The following INPP4A variants were observed in gnomAD, a reference collection of about 807,000 sequenced individuals.
INPP4A encodes the protein inositol polyphosphate-4-phosphatase, type I, 107kD.
INPP4A carries 33 observed loss-of-function variants against 119.8 expected under a neutral mutation model. The observed-to-expected ratio is 0.28, with a 90% CI of 0.21 to 0.37. The LOEUF is 0.37. INPP4A is among the 10% of genes least tolerant of loss of function. The pLI, the probability that INPP4A is intolerant of heterozygous loss-of-function variation, is 1.00. For missense variants in INPP4A, 956 were observed against 1,289.9 expected, an observed-to-expected ratio of 0.74 and a Z score of 3.97; for synonymous variants, 496 against 500.7, an observed-to-expected ratio of 0.99 and a Z score of 0.12.
At chr2:98,459,841 C>T (rs1231617644) in intron 1 of INPP4A, among the ~76,000 whole-genome samples, 1 of 152,214 alleles carries the variant, frequency 6.6e-6, no homozygotes, top group African/African-American at 2.4e-5. Flanking sequence ...GGGAAGACAG[C>T]CTGCTTCCCT....
chr2:98,520,296 G>C, intron 3 of INPP4A, 142 bp downstream of exon 3: 1 of 671,724 alleles, frequency 1.5e-6, no homozygotes, highest in Non-Finnish European at 2.6e-6. Context: ...CATCCTTCTG[G>C]TTGAACCAGG....
intron 1 of INPP4A, among the ~76,000 whole-genome samples, chr2:98,449,987 A>AT (rs1209622164): frequency 6.6e-6 from 1 of 151,278 alleles, no homozygotes; most frequent in Non-Finnish European, 1.5e-5. Context: ...TCCTTTGTTC[A>AT]TTTTTTCTTG....
rs1197534470 is a variant in INPP4A, at chr2:98,588,394, CCTT to C, written c.*792_*794del. On this transcript the variant is annotated 3_prime_UTR_variant, in exon 25 of 25. Transcript: ENST00000409851. ...CCTCACGCCCAGAGGACACATCTCCCCTTCTTCTCTAGATGTTAATGTAGGGCC... is the reference window on the plus strand; with the variant it reads ...CCTCACGCCCAGAGGACACATCTCCCCTTCTCTAGATGTTAATGTAGGGCC... The C allele has an allele frequency of 1.0e-5, 2 of 199,848 alleles. No homozygotes were observed. The highest frequency in any genetic ancestry group is 2.1e-5 in the Non-Finnish European group (2 of 97,096). The allele number at this position is 199,848 out of a possible 1,614,324, so 12.4% of individuals were successfully genotyped here. A position where few individuals can be genotyped will look rare whatever the true frequency, so the allele number is the denominator to read the frequency against.
At chr2:98,565,535 C>T (rs1396271403) in intron 19 of INPP4A, 105 bp from the exon 20 acceptor site, 4 of 1,285,624 alleles carry the variant, frequency 3.1e-6, no homozygotes, top group Non-Finnish European at 3.2e-6. Flanking sequence ...GCCACACCTG[C>T]ACCCCTCCTG....
chr2:98,572,889 A>G lies in INPP4A; in HGVS notation c.2593A>G (p.Lys865Glu). The G allele has an allele frequency of 6.3e-7, 1 of 1,579,752 alleles. No homozygotes were observed. The highest frequency in any genetic ancestry group is 8.6e-7 in the Non-Finnish European group (1 of 1,162,844). ...TCTGGGTCAGAACGTGCATGCCCGG[A>G]AGAATAAGAACGTCGACATTCTCTG... ...RFLGQNVHAR[K>E]NKNVDILWQA... is the part of the protein sequence containing the mutation. The change falls in exon 23 of 25, where the codon AAG becomes GAG. Residue 865 changes from lysine to glutamate, a missense_variant. Physicochemically the swap from Lys to Glu is moderately conservative, Grantham distance 56. Around this residue, in one of 2 missense-constraint regions of INPP4A, gnomAD observed 304 missense variants for 492.1 expected, o/e 0.62. Coordinates refer to ENST00000409851, the MANE Select transcript of INPP4A (RefSeq NM_001134225.2).
chr2:98,528,437 A>G (rs1688572789), intron 4 of INPP4A, among the ~76,000 whole-genome samples: 1 of 152,244 alleles, frequency 6.6e-6, no homozygotes, highest in African/African-American at 2.4e-5. Flanking sequence ...CAATATACAT[A>G]TAATAGGAGT....
At chr2:98,483,523 TG>T (rs749992797) in intron 1 of INPP4A, among the ~76,000 whole-genome samples, 2 of 152,176 alleles carry the variant, frequency 1.3e-5, no homozygotes, top group Non-Finnish European at 2.9e-5. Flanking sequence ...TCTAATGTCT[TG>T]CTGCATGTGG....
chr2:98,539,404 C>T, intron 9 of INPP4A, 124 bp from the exon 10 acceptor site: 1 of 1,077,874 alleles, frequency 9.3e-7, no homozygotes, highest in Admixed American at 2.6e-5. Context: ...GTTTTAATTC[C>T]CATGAGATGA....
chr2:98,572,952 A>C, intron 23 of INPP4A, 25 bp downstream of exon 23: 1 of 1,515,934 alleles, frequency 6.6e-7, no homozygotes, highest in Non-Finnish European at 9.0e-7. Flanking sequence ...GAGGAAAAGG[A>C]GGCTATTGCG....
intron 1 of INPP4A, among the ~76,000 whole-genome samples, chr2:98,517,296 A>G (rs905303203): frequency 6.6e-6 from 1 of 152,174 alleles, no homozygotes; most frequent in Non-Finnish European, 1.5e-5. Flanking sequence ...GTATCTTGCT[A>G]CTGTGAATGT....
intron 1 of INPP4A, among the ~76,000 whole-genome samples, chr2:98,502,015 C>T (rs1372221177): frequency 1.3e-5 from 2 of 152,226 alleles, no homozygotes; most frequent in African/African-American, 2.4e-5. Context: ...CATCAGTGCC[C>T]ACCTGCTCCC....
At chr2:98,453,358 G>A (rs969343233) in intron 1 of INPP4A, among the ~76,000 whole-genome samples, 2 of 152,230 alleles carry the variant, frequency 1.3e-5, no homozygotes. Flanking sequence ...ATCAATTTGA[G>A]GTTGTAACTG....
chr2:98,566,235 T>C lies in INPP4A; in HGVS notation c.2420+66T>C, dbSNP rs546487033. On this transcript the variant is annotated intron_variant, in intron 21 of 24. Coordinates refer to ENST00000409851, the MANE Select transcript of INPP4A (RefSeq NM_001134225.2). The surrounding 1 kb of genome is among the most constrained non-coding windows in gnomAD (Gnocchi z 4.2). ...CTGGAGATGATGCAGAAAACGTACT[T>C]ACCCCTCTTCAGGCTCTAAGTGCTG... 6.8e-7 allele frequency: 1 copy of C among 1,464,666 alleles called. No homozygotes were observed. The highest frequency in any genetic ancestry group is 1.4e-5 in the African/African-American group (1 of 70,610). 90.7% of individuals were successfully genotyped at this position (1,464,666 alleles called of 1,614,324 possible). A position where few individuals can be genotyped will look rare whatever the true frequency, so the allele number is the denominator to read the frequency against.
intron 16 of INPP4A, among the ~76,000 whole-genome samples, chr2:98,557,561 G>C (rs1405154450): frequency 6.6e-6 from 1 of 152,226 alleles, no homozygotes; most frequent in Non-Finnish European, 1.5e-5. Flanking sequence ...GAGCAGGTAT[G>C]TTCACACCAA....
intron 24 of INPP4A, 97 bp downstream of exon 24, chr2:98,577,240 C>T: frequency 1.5e-6 from 2 of 1,296,468 alleles, no homozygotes; most frequent in Non-Finnish European, 2.1e-6. Context: ...GCCTACCCTG[C>T]ATGAGCCCCT....
rs78344535 is a variant in INPP4A, at chr2:98,533,250, C to T, written c.152-127C>T. The T allele has an allele frequency of 1.3e-3, 829 of 616,168 alleles. 7 individuals carry two copies. In the East Asian group the frequency reaches 0.015, roughly 11 times the overall value. 38.2% of individuals were successfully genotyped at this position (616,168 alleles called of 1,614,324 possible). Reference sequence around the variant, plus strand: ...AAAATCACTTCCCTGTGACAACTGACGATGTGATCGTCTCATCTCTTTGAA... The same window carrying T: ...AAAATCACTTCCCTGTGACAACTGATGATGTGATCGTCTCATCTCTTTGAA... On this transcript the variant is annotated intron_variant, in intron 4 of 24. Coordinates refer to ENST00000409851, the MANE Select transcript of INPP4A (RefSeq NM_001134225.2).
At chr2:98,445,269 G>C (rs997229555) in intron 1 of INPP4A, among the ~76,000 whole-genome samples, 184 bp downstream of exon 1, 2 of 152,116 alleles carry the variant, frequency 1.3e-5, no homozygotes, top group Non-Finnish European at 2.9e-5. Context: ...CGTCTTTTGA[G>C]AACAATCCGA....
Position 98,581,610 on chromosome 2 carries a change from T to C in INPP4A, c.2786+4467T>C, listed in dbSNP as rs779004538. Reference sequence around the variant, plus strand: ...ACGGGAGGTAGTCACCCAGAAGAACTTGAGCGGCCTGGTGCCCATCCGAGA... The same window carrying C: ...ACGGGAGGTAGTCACCCAGAAGAACCTGAGCGGCCTGGTGCCCATCCGAGA... On this transcript the variant is annotated intron_variant, in intron 24 of 24. Coordinates refer to ENST00000409851, the MANE Select transcript of INPP4A (RefSeq NM_001134225.2). 20 of 1,560,406 alleles carry C rather than the reference T, an allele frequency of 1.3e-5. No individual in the cohort carries two copies. The East Asian group carries it at 1.7e-4, about 13-fold the overall frequency.
At chr2:98,536,789 C>T (rs1266311293) in intron 7 of INPP4A, among the ~76,000 whole-genome samples, 1 of 152,112 alleles carries the variant, frequency 6.6e-6, no homozygotes, top group Non-Finnish European at 1.5e-5. Context: ...TCTAGAGTAG[C>T]AAGGAAAATT....
Sources: gnomAD v4.1 joint callset for allele counts (sites outside exome capture counted in the v4.1 genomes callset) on GRCh38, gnomAD v4.1.1 for gene constraint, gnomAD v4.1.1 regional missense constraint, Gnocchi (gnomAD v3.1) non-coding constraint, MANE v1.5 for transcripts, NCBI Gene and HGNC (gene_info 2026-07-23, HGNC 2026-07-21) for gene names.